Variants in MFN1 observed in about 807,000 individuals in gnomAD.
MFN1 encodes mitofusin 1.
MFN1 carries 65 observed loss-of-function variants against 92.4 expected under a neutral mutation model. The observed-to-expected ratio is 0.70, with a 90% confidence interval of 0.58 to 0.86. The LOEUF is 0.86. Among genes scored for constraint, MFN1 ranks in the 40% least tolerant of loss-of-function variants. The probability of loss-of-function intolerance (pLI) is 0.00; values close to 1 mark genes in which losing one functional copy is unlikely to be tolerated. For synonymous variants in MFN1, 297 were observed against 300.9 expected, an observed-to-expected ratio of 0.99 and a Z score of 0.13; for missense variants, 781 against 868.0, an observed-to-expected ratio of 0.90 and a Z score of 1.26.
chr3:179,379,499 A>C (rs1019123609), intron 14 of MFN1, among the ~76,000 whole-genome samples: 6 of 152,122 alleles, frequency 3.9e-5, no homozygotes, highest in African/African-American at 1.4e-4. Flanking sequence ...GATTATACGC[A>C]CCCACCACCA....
Position 179,365,133 on chromosome 3 carries a change from C to T in MFN1, c.661C>T (p.His221Tyr), listed in dbSNP as rs61735184. ...TLMNTEKHFFHKVNERLSKPN... is the reference protein window; with the variant it reads ...TLMNTEKHFFYKVNERLSKPN... ...TGTTTTTCAGGAAAAACACTTTTTT[C>T]ACAAGGTGAATGAGCGGCTTTCCAA... Residue 221 changes from histidine to tyrosine, a missense_variant, in exon 7 of 18, where the codon CAC becomes TAC. His to Tyr is a moderately conservative substitution (Grantham distance 83). Coordinates refer to ENST00000471841, the MANE Select transcript of MFN1 (RefSeq NM_033540.3). The T allele has an allele frequency of 2.2e-5, 33 of 1,534,310 alleles. No homozygotes were observed. The African/African-American group carries it at 3.3e-4, about 15-fold the overall frequency.
intron 3 of MFN1, among the ~76,000 whole-genome samples, chr3:179,356,571 A>T (rs1712350400): frequency 1.3e-5 from 2 of 152,162 alleles, no homozygotes; most frequent in African/African-American, 4.8e-5. Context: ...ATCCCCATAT[A>T]TCTAGTTATG....
intron 1 of MFN1, 153 bp from the exon 2 acceptor site, chr3:179,348,692 T>C (rs1289651359): frequency 8.7e-7 from 1 of 1,146,938 alleles, no homozygotes; most frequent in East Asian, 2.8e-5. Flanking sequence ...TCTAACTGTC[T>C]GACTAGAACA....
intron 14 of MFN1, among the ~76,000 whole-genome samples, chr3:179,380,262 G>A (rs1577014082): frequency 6.6e-6 from 1 of 152,128 alleles, no homozygotes; most frequent in Admixed American, 6.5e-5. Context: ...TCACTGTTTT[G>A]CCATTATTGA....
chr3:179,378,282 T>A lies in MFN1; in HGVS notation c.1330-59T>A, dbSNP rs958111734. 3.1e-6 allele frequency: 4 copies of A among 1,289,574 alleles called. No individual in the cohort carries two copies. In the African/African-American group the frequency reaches 6.1e-5, roughly 20 times the overall value. The allele number at this position is 1,289,574 out of a possible 1,614,324, so 79.9% of individuals were successfully genotyped here. On this transcript the variant is annotated intron_variant, in intron 12 of 17. Coordinates refer to ENST00000471841, the MANE Select transcript of MFN1 (RefSeq NM_033540.3). ...GCATTTACTGAATATTTTATGTCTT[T>A]ATAAAAACTACATACTTTCTGGAGA...
Position 179,375,304 on chromosome 3 carries a change from A to G in MFN1, c.1060A>G (p.Ile354Val), listed in dbSNP as rs1432581622. 3 of 1,613,846 alleles carry G rather than the reference A, an allele frequency of 1.9e-6. No homozygotes were observed. Among genetic ancestry groups the G allele is most frequent in the Non-Finnish European group, 2.5e-6 (3 of 1,179,918 alleles). The change falls in exon 10 of 18, where the codon ATA (isoleucine) becomes GTA (valine). Residue 354 changes from isoleucine to valine, a missense_variant. Ile to Val is a conservative substitution (Grantham distance 29). Coordinates refer to ENST00000471841, the MANE Select transcript of MFN1 (RefSeq NM_033540.3). The part of the protein sequence containing the change: ...AKQILATVKN[I>V]MDSVNLAAED... Reference sequence around the variant, plus strand: ...ACAGATACTAGCTACTGTGAAAAACATAATGGATTCAGTAAACCTGGCAGC... The same window carrying G: ...ACAGATACTAGCTACTGTGAAAAACGTAATGGATTCAGTAAACCTGGCAGC...
intron 9 of MFN1, among the ~76,000 whole-genome samples, 160 bp downstream of exon 9, chr3:179,368,263 G>A (rs773566902): frequency 1.3e-4 from 20 of 152,020 alleles, no homozygotes; most frequent in Non-Finnish European, 2.1e-4. Context: ...AAGAAAAGGA[G>A]CCCCTGCAAA....
intron 3 of MFN1, among the ~76,000 whole-genome samples, chr3:179,355,804 T>A (rs1712325894): frequency 6.6e-6 from 1 of 151,896 alleles, no homozygotes; most frequent in African/African-American, 2.4e-5. Context: ...ATAGAAAAAT[T>A]AACTGGGTGT....
intron 17 of MFN1, among the ~76,000 whole-genome samples, chr3:179,390,843 G>A (rs1713872240): frequency 1.3e-5 from 2 of 152,170 alleles, no homozygotes; most frequent in Admixed American, 1.3e-4. Flanking sequence ...CAGCTTAGTA[G>A]TCAATGTTTA....
chr3:179,388,704 C>A (rs990596902), intron 16 of MFN1, among the ~76,000 whole-genome samples: 1 of 152,088 alleles, frequency 6.6e-6, no homozygotes, highest in Non-Finnish European at 1.5e-5. Context: ...GATAGTAGAT[C>A]AATAAAGGTT....
rs2287210 is a variant in MFN1 at position 179,392,524 on chromosome 3, T to G, written c.*465T>G. On this transcript the variant is annotated 3_prime_UTR_variant, in exon 18 of 18. Coordinates refer to ENST00000471841, the MANE Select transcript of MFN1 (RefSeq NM_033540.3). Reference sequence around the variant, plus strand: ...GGAGTGTGGAATGTCCTTGAGTGTATTATTTATGCAAGTCACAGTCACGTT... The same window carrying G: ...GGAGTGTGGAATGTCCTTGAGTGTAGTATTTATGCAAGTCACAGTCACGTT... 4.5e-3 allele frequency: 688 copies of G among 152,590 alleles called. 16 individuals are homozygous for G. The East Asian group carries it at 0.053, about 12-fold the overall frequency. 9.5% of individuals were successfully genotyped at this position (152,590 alleles called of 1,614,324 possible). A position where few individuals can be genotyped will look rare whatever the true frequency, so the allele number is the denominator to read the frequency against.
chr3:179,352,645 T>G (rs1434380354), intron 3 of MFN1, among the ~76,000 whole-genome samples: 1 of 152,216 alleles, frequency 6.6e-6, no homozygotes, highest in Non-Finnish European at 1.5e-5. Context: ...CTTATGTAAA[T>G]CTCTTTTTGC....
intron 12 of MFN1, 42 bp from the exon 13 acceptor site, chr3:179,378,299 T>C (rs554060349): frequency 7.1e-7 from 1 of 1,407,332 alleles, no homozygotes; most frequent in South Asian, 1.3e-5. Flanking sequence ...ACTACATACT[T>C]TCTGGAGAAA....
At position 179,377,355 on chromosome 3, in the gene MFN1, A is replaced by T; in HGVS notation, c.1236A>T (p.Ala412=). The T allele has an allele frequency of 6.2e-7, 1 of 1,607,402 alleles. No individual in the cohort carries two copies. The highest frequency in any genetic ancestry group is 1.3e-5 in the African/African-American group (1 of 74,882). The change falls in exon 12 of 18, where the codon GCA becomes GCT. Residue 412 remains alanine (A), a synonymous_variant. Transcript: ENST00000471841. ...TTTCATATTTTCAGGTTTCATGTGCAATGACAGATGAAATTTGTCGACTGT... is the reference window on the plus strand; with the variant it reads ...TTTCATATTTTCAGGTTTCATGTGCTATGACAGATGAAATTTGTCGACTGT... ...TEEVANKVSC[A]MTDEICRLSV...
intron 14 of MFN1, 40 bp downstream of exon 14, chr3:179,378,854 T>G (rs2108550122): frequency 7.0e-7 from 1 of 1,435,538 alleles, no homozygotes; most frequent in East Asian, 2.3e-5. Context: ...CTCTCCTTTA[T>G]TATTTTGTTT....
At chr3:179,388,319 G>A (rs1713776508) in intron 16 of MFN1, among the ~76,000 whole-genome samples, 1 of 152,186 alleles carries the variant, frequency 6.6e-6, no homozygotes, top group African/African-American at 2.4e-5. Context: ...CTGATTTCAT[G>A]GTGAATGTAA....
Position 179,385,681 on chromosome 3 carries a change from C to T in MFN1, c.1775C>T (p.Thr592Ile), listed in dbSNP as rs1713657872. Residue 592 changes from threonine to isoleucine, a missense_variant, in exon 15 of 18, where the codon ACA (threonine) becomes ATA (isoleucine). Coordinates refer to ENST00000471841, the MANE Select transcript of MFN1 (RefSeq NM_033540.3). ...TTAGTAACAGGATTGGCGTCCGTTACATCTAGAACTTCTATGGGCATCATT... is the reference window on the plus strand; with the variant it reads ...TTAGTAACAGGATTGGCGTCCGTTATATCTAGAACTTCTATGGGCATCATT... The part of the protein sequence containing the change: ...ITLVTGLASV[T>I]SRTSMGIIIV... 1.9e-6 allele frequency: 3 copies of T among 1,613,798 alleles called. No homozygotes were observed. Among genetic ancestry groups the T allele is most frequent in the East Asian group, 4.5e-5 (2 of 44,846 alleles).
chr3:179,378,790 A>G lies in MFN1; in HGVS notation c.1638A>G (p.Leu546=), dbSNP rs148467818. 40 of 1,613,094 alleles carry G rather than the reference A, an allele frequency of 2.5e-5. No individual in the cohort carries two copies. The African/African-American group carries it at 4.9e-4, about 20-fold the overall frequency. Residue 546 remains leucine (L), a synonymous_variant, in exon 14 of 18, where the codon CTA becomes CTG. Coordinates refer to ENST00000471841, the MANE Select transcript of MFN1 (RefSeq NM_033540.3). ...CTAGAAATGCTCAAAGGGTGCTCCT[A>G]GGATTATCAGAGCCTATCTTTCAGG... ...LGPRNAQRVL[L]GLSEPIFQLP... is the part of the protein sequence containing the mutation.
At chr3:179,391,941 C>T in intron 17 of MFN1, 40 bp from the exon 18 acceptor site, 1 of 1,320,864 alleles carries the variant, frequency 7.6e-7, no homozygotes, top group East Asian at 2.3e-5. Context: ...TCTCCTTGAC[C>T]TTTATAGTAA....
Sources: gnomAD v4.1 joint callset for allele counts (sites outside exome capture counted in the v4.1 genomes callset) on GRCh38, gnomAD v4.1.1 for gene constraint, MANE v1.5 for transcripts, NCBI Gene and HGNC (gene_info 2026-07-23, HGNC 2026-07-21) for gene names.